ABHD17C: variants seen among roughly 807,000 people sequenced by gnomAD.
The protein encoded by ABHD17C is abhydrolase domain containing 17C, depalmitoylase.
A neutral mutation model predicts 27.9 loss-of-function variants in ABHD17C; 11 were observed. The ratio of observed to expected loss-of-function variants is 0.39; its 90% confidence interval spans 0.25 to 0.65. The LOEUF (loss-of-function observed/expected upper bound fraction) is 0.65, where lower values mean the gene tolerates loss of function less well. Among genes scored for constraint, ABHD17C ranks in the 30% least tolerant of loss-of-function variants. The pLI is 0.45. For synonymous variants in ABHD17C, 233 were observed against 209.1 expected, an observed-to-expected ratio of 1.11 and a Z score of -0.98; for missense variants, 280 against 470.2, an observed-to-expected ratio of 0.60 and a Z score of 3.74.
intron 1 of ABHD17C, among the ~76,000 whole-genome samples, chr15:80,713,555 A>C (rs565357322): frequency 6.6e-6 from 1 of 151,980 alleles, no homozygotes; most frequent in African/African-American, 2.4e-5. Context: ...CACGCCTGTA[A>C]TCCCAGCACT....
chr15:80,724,001 G>A (rs539455501), intron 1 of ABHD17C, among the ~76,000 whole-genome samples: 174 of 152,092 alleles, frequency 1.1e-3, no homozygotes, highest in South Asian at 5.0e-3. Flanking sequence ...TCAGGAGTTC[G>A]AGACCAGCCT....
At chr15:80,705,922 A>G (rs1426582036) in intron 1 of ABHD17C, among the ~76,000 whole-genome samples, 1 of 152,200 alleles carries the variant, frequency 6.6e-6, no homozygotes, top group Non-Finnish European at 1.5e-5. Context: ...CAACACCTGC[A>G]GTTACTTTGC....
chr15:80,695,401 G>T lies in ABHD17C; in HGVS notation c.-29G>T. The T allele has an allele frequency of 1.7e-6, 2 of 1,194,800 alleles. No individual in the cohort carries two copies. The highest frequency in any genetic ancestry group is 2.1e-6 in the Non-Finnish European group (2 of 954,686). 74.0% of individuals were successfully genotyped at this position (1,194,800 alleles called of 1,614,324 possible). On this transcript the variant is annotated 5_prime_UTR_variant, in exon 1 of 3. Coordinates refer to ENST00000258884, the MANE Select transcript of ABHD17C (RefSeq NM_021214.2). The surrounding 1 kb of genome is among the most constrained non-coding windows in gnomAD (Gnocchi z 4.3). ...GGGCCAGCCAGCCAGCCAGCCAGCC[G>T]GGCCGGCGGCGGGCACCAGGCCGTC...
chr15:80,712,545 C>G (rs553269587), intron 1 of ABHD17C, among the ~76,000 whole-genome samples: 3 of 152,280 alleles, frequency 2.0e-5, no homozygotes, highest in East Asian at 3.9e-4. Flanking sequence ...CCTCACCTGT[C>G]TATGGGTGAG....
intron 1 of ABHD17C, among the ~76,000 whole-genome samples, chr15:80,711,419 AG>A (rs1894727218): frequency 6.6e-6 from 1 of 152,194 alleles, no homozygotes; most frequent in African/African-American, 2.4e-5. Context: ...GCAGCAGGAC[AG>A]CTCCATGCTT....
intron 1 of ABHD17C, among the ~76,000 whole-genome samples, chr15:80,732,170 C>G (rs1200566921): frequency 6.6e-6 from 1 of 152,152 alleles, no homozygotes; most frequent in East Asian, 1.9e-4. Context: ...GTTCAGAGCC[C>G]CATTTTACAC....
intron 1 of ABHD17C, among the ~76,000 whole-genome samples, chr15:80,705,338 T>TGTGTGTGTGTGTGTGTGTGTGTGTGTGG: frequency 6.9e-6 from 1 of 144,278 alleles, no homozygotes; most frequent in South Asian, 2.2e-4. Flanking sequence ...ATGATTTGTG[T>TGTGTGTGTGTGTGTGTGTGTGTGTGTGG]GTGTGTGTGT....
Position 80,695,633 on chromosome 15 carries a change from G to A in ABHD17C, c.204G>A (p.Ala68=). Residue 68 remains alanine, a synonymous_variant, in exon 1 of 3, where the codon GCG becomes GCA. Transcript: ENST00000258884. The surrounding 1 kb of genome is among the most constrained non-coding windows in gnomAD (Gnocchi z 4.3). ...CCCAGGCTACCGCCGCCGCCGCCGC[G>A]GCCCAGCCGGCACCGCAGCAGCCCG... ...APAQATAAAA[A]AQPAPQQPEE... 8.2e-7 allele frequency: 1 copy of A among 1,212,622 alleles called. No homozygotes were observed. Among genetic ancestry groups the A allele is most frequent in the East Asian group, 3.4e-5 (1 of 29,646 alleles). 75.1% of individuals were successfully genotyped at this position (1,212,622 alleles called of 1,614,324 possible).
At chr15:80,724,568 G>GA (rs11377716) in intron 1 of ABHD17C, among the ~76,000 whole-genome samples, 138,190 of 152,148 alleles carry the variant, frequency 0.91, 62,832 homozygotes, top group East Asian at 0.98. Context: ...TTCTCATAAG[G>GA]AAAAACATAA....
intron 1 of ABHD17C, among the ~76,000 whole-genome samples, chr15:80,712,129 G>T (rs1894736155): frequency 6.6e-6 from 1 of 152,080 alleles, no homozygotes; most frequent in Non-Finnish European, 1.5e-5. Flanking sequence ...CTGGTCCTTT[G>T]GTTACTGATG....
chr15:80,705,528 G>A (rs904678122), intron 1 of ABHD17C, among the ~76,000 whole-genome samples: 3 of 152,090 alleles, frequency 2.0e-5, no homozygotes, highest in Non-Finnish European at 4.4e-5. Flanking sequence ...TTAACACAGT[G>A]CTTTCCACAT....
rs1162561200 is a variant in ABHD17C, at chr15:80,733,982, TA to T, written c.591-15530del. On this transcript the variant is annotated intron_variant, in intron 1 of 2. Coordinates refer to ENST00000258884, the MANE Select transcript of ABHD17C (RefSeq NM_021214.2). ...TTTATTATTTATTTATTTATTTATT[TA>T]TTTATTTATTTATTTTTTTAAAACA... Among the ~76,000 whole-genome samples, 376 of 151,186 alleles carry T rather than the reference TA, an allele frequency of 2.5e-3. 1 individual carries two copies. The highest frequency in any genetic ancestry group is 3.8e-3 in the Admixed American group (58 of 15,190).
At chr15:80,701,666 G>A (rs1220636689) in intron 1 of ABHD17C, among the ~76,000 whole-genome samples, 1 of 144,592 alleles carries the variant, frequency 6.9e-6, no homozygotes, top group South Asian at 2.2e-4. Flanking sequence ...GCGACAGAGC[G>A]AGACTCCATC....
chr15:80,702,006 C>T (rs1467652688), intron 1 of ABHD17C, among the ~76,000 whole-genome samples: 1 of 152,152 alleles, frequency 6.6e-6, no homozygotes, highest in East Asian at 1.9e-4. Flanking sequence ...TCACTCTCCT[C>T]TTGCCACAAT....
intron 1 of ABHD17C, among the ~76,000 whole-genome samples, chr15:80,721,067 C>A (rs922451080): frequency 1.3e-5 from 2 of 151,778 alleles, no homozygotes; most frequent in African/African-American, 2.4e-5. Context: ...TCTTTTATTA[C>A]AACTTCTATT....
At chr15:80,747,495 C>G (rs989266825) in intron 1 of ABHD17C, among the ~76,000 whole-genome samples, 3 of 152,110 alleles carry the variant, frequency 2.0e-5, no homozygotes, top group Non-Finnish European at 4.4e-5. Flanking sequence ...CTTTCTAACC[C>G]CTCTCCCCAT....
chr15:80,737,681 A>G (rs1313520666), intron 1 of ABHD17C, among the ~76,000 whole-genome samples: 1 of 152,198 alleles, frequency 6.6e-6, no homozygotes, highest in African/African-American at 2.4e-5. Context: ...TTATGTCTGT[A>G]GACTGGAGGA....
chr15:80,695,495 C>T lies in ABHD17C; in HGVS notation c.66C>T (p.Cys22=), dbSNP rs1416587724. Residue 22 remains cysteine, a synonymous_variant, in exon 1 of 3, where the codon TGC becomes TGT. Coordinates refer to ENST00000258884, the MANE Select transcript of ABHD17C (RefSeq NM_021214.2). This position sits in a 1 kb window ranked among gnomAD's most constrained non-coding sequence, Gnocchi z 4.3. ...SLGELCWLFC[C]PPCPSRIAAK... is the part of the protein sequence containing the mutation. ...GTGAGCTGTGCTGGCTCTTCTGCTG[C>T]CCGCCCTGCCCGAGCCGCATCGCCG... 1.4e-6 allele frequency: 2 copies of T among 1,390,326 alleles called. No homozygotes were observed. Among genetic ancestry groups the T allele is most frequent in the South Asian group, 1.3e-5 (1 of 77,804 alleles). 86.1% of individuals were successfully genotyped at this position (1,390,326 alleles called of 1,614,324 possible).
At chr15:80,721,809 A>T (rs897562022) in intron 1 of ABHD17C, among the ~76,000 whole-genome samples, 2 of 152,072 alleles carry the variant, frequency 1.3e-5, no homozygotes, top group Non-Finnish European at 2.9e-5. Context: ...CCAGTAGGGC[A>T]CTGGGGGCCT....
Sources: allele counts gnomAD v4.1 joint callset (sites outside exome capture counted in the v4.1 genomes callset), GRCh38; gene constraint gnomAD v4.1.1; non-coding constraint Gnocchi (gnomAD v3.1); transcripts MANE v1.5; gene names NCBI Gene and HGNC (gene_info 2026-07-23, HGNC 2026-07-21).